TMEM65: variants seen among roughly 807,000 people sequenced by gnomAD.
TMEM65 encodes transmembrane protein 65.
Under a neutral mutation model 25.4 loss-of-function variants are expected in TMEM65, and 22 were observed. The observed-to-expected ratio is 0.86, with a 90% CI of 0.62 to 1.23. The LOEUF (loss-of-function observed/expected upper bound fraction) is 1.23. Ranked by LOEUF, TMEM65 falls within the 50% of genes most tolerant of loss-of-function variation. The pLI is 0.00. For synonymous variants in TMEM65, 132 were observed against 126.2 expected (o/e 1.05, Z -0.31); for missense variants, 262 against 308.2 (o/e 0.85, Z 1.12).
intron 1 of TMEM65, among the ~76,000 whole-genome samples, chr8:124,349,997 A>G (rs1287189066): frequency 2.0e-5 from 3 of 152,168 alleles, no homozygotes; most frequent in African/African-American, 7.2e-5. Context: ...TTTATTCTTC[A>G]AAATACATTT....
intron 1 of TMEM65, among the ~76,000 whole-genome samples, chr8:124,338,138 T>C (rs2131210104): frequency 6.6e-6 from 1 of 152,218 alleles, no homozygotes; most frequent in Non-Finnish European, 1.5e-5. Flanking sequence ...CACAAAACTG[T>C]ATTCTGCCTT....
chr8:124,330,661 G>T, intron 2 of TMEM65, 87 bp downstream of exon 2: 2 of 1,270,646 alleles, frequency 1.6e-6, no homozygotes, highest in South Asian at 1.3e-5. Context: ...TTAATTTACT[G>T]ACTCTTCTGT....
At chr8:124,340,351 G>A (rs1814569938) in intron 1 of TMEM65, among the ~76,000 whole-genome samples, 1 of 152,056 alleles carries the variant, frequency 6.6e-6, no homozygotes, top group Non-Finnish European at 1.5e-5. Flanking sequence ...AAATTAAAGT[G>A]TATAAGAATG....
intron 3 of TMEM65, 122 bp downstream of exon 3, chr8:124,327,232 A>G: frequency 1.5e-6 from 1 of 677,962 alleles, no homozygotes; most frequent in East Asian, 3.0e-5. Flanking sequence ...GAGATATAGT[A>G]AAAAATATCC....
chr8:124,326,159 G>A (rs546076485), intron 3 of TMEM65, among the ~76,000 whole-genome samples: 1 of 152,058 alleles, frequency 6.6e-6, no homozygotes, highest in South Asian at 2.1e-4. Flanking sequence ...GAAGCACTTC[G>A]ATTTTCTCAA....
chr8:124,368,314 T>G (rs1459777032), intron 1 of TMEM65, among the ~76,000 whole-genome samples: 21 of 149,502 alleles, frequency 1.4e-4, no homozygotes, highest in East Asian at 8.0e-4. Context: ...ATCTCTCATT[T>G]TACCTCTCCA....
Position 124,307,314 on chromosome 8 carries a change from C to T in TMEM65, c.*6646G>A, listed in dbSNP as rs915663166. 5 of 152,112 alleles carry T rather than the reference C, an allele frequency of 3.3e-5. No individual in the cohort carries two copies. Among genetic ancestry groups the T allele is most frequent in the African/African-American group, 4.8e-5 (2 of 41,408 alleles). 9.4% of individuals were successfully genotyped at this position (152,112 alleles called of 1,614,324 possible). A position where few individuals can be genotyped will look rare whatever the true frequency, so the allele number is the denominator to read the frequency against. ...ATACCAAGGGACCCATATGAAGTCC[C>T]GCTAGTGACGCTGGAAGTGCTCCCA... On this transcript the variant is annotated 3_prime_UTR_variant, in exon 7 of 7. Coordinates refer to ENST00000297632, the MANE Select transcript of TMEM65 (RefSeq NM_194291.3).
intron 6 of TMEM65, among the ~76,000 whole-genome samples, chr8:124,318,798 A>G (rs1013255813): frequency 4.6e-5 from 7 of 152,138 alleles, no homozygotes; most frequent in East Asian, 1.9e-4. Flanking sequence ...CCACTCTCCT[A>G]TGAAATCTCA....
chr8:124,352,961 T>C (rs1391404856), intron 1 of TMEM65, among the ~76,000 whole-genome samples: 4 of 151,790 alleles, frequency 2.6e-5, no homozygotes, highest in Non-Finnish European at 5.9e-5. Flanking sequence ...ACACCGTCTA[T>C]ACAAAAAATA....
rs145161324 is a variant in TMEM65, at chr8:124,314,219, T to C, written c.622-158A>G. 2.5e-3 allele frequency among the ~76,000 whole-genome samples: 386 copies of C among 152,336 alleles called. 1 individual carries two copies. Among genetic ancestry groups the C allele is most frequent in the African/African-American group, 7.9e-3 (328 of 41,578 alleles). On this transcript the variant is annotated intron_variant, in intron 6 of 6. Coordinates refer to ENST00000297632, the MANE Select transcript of TMEM65 (RefSeq NM_194291.3). ...ATCCCTGTGTATACCTAATTATATG[T>C]AGATATAATCATTATGTAAACATAG... is the stretch of plus-strand genomic sequence containing the variant.
chr8:124,338,653 A>G (rs556960529), intron 1 of TMEM65, among the ~76,000 whole-genome samples: 11 of 152,332 alleles, frequency 7.2e-5, no homozygotes, highest in Admixed American at 2.6e-4. Context: ...AATGTTCACT[A>G]TAAGATTTAA....
rs867317593 is a variant in TMEM65, at chr8:124,363,653, C to A, written c.304+8201G>T. Among the ~76,000 whole-genome samples the A allele has an allele frequency of 3.4e-3, 523 of 151,746 alleles. 3 individuals carry two copies. The highest frequency in any genetic ancestry group is 6.0e-3 in the South Asian group (29 of 4,794). On this transcript the variant is annotated intron_variant, in intron 1 of 6. Coordinates refer to ENST00000297632, the MANE Select transcript of TMEM65 (RefSeq NM_194291.3). ...GAGATCGAGACCATCCCAGCTAAAACGGTGAAACCCCGTCTCTACTAAAAA... is the reference window on the plus strand; with the variant it reads ...GAGATCGAGACCATCCCAGCTAAAAAGGTGAAACCCCGTCTCTACTAAAAA...
chr8:124,337,947 T>A (rs1306976119), intron 1 of TMEM65, among the ~76,000 whole-genome samples: 2 of 152,014 alleles, frequency 1.3e-5, no homozygotes, highest in African/African-American at 2.4e-5. Context: ...GAGGTAAAAA[T>A]TAGAAAATAA....
intron 1 of TMEM65, among the ~76,000 whole-genome samples, chr8:124,361,987 T>G (rs1814870685): frequency 6.6e-6 from 1 of 150,828 alleles, no homozygotes; most frequent in African/African-American, 2.4e-5. Flanking sequence ...GCCTCCTGGG[T>G]TCAAGCACTT....
At chr8:124,316,305 A>G (rs915699079) in intron 6 of TMEM65, among the ~76,000 whole-genome samples, 1 of 152,196 alleles carries the variant, frequency 6.6e-6, no homozygotes, top group African/African-American at 2.4e-5. Context: ...CTGTTTTATA[A>G]GAAAATATTT....
intron 1 of TMEM65, among the ~76,000 whole-genome samples, chr8:124,358,930 A>G (rs1814821949): frequency 6.6e-6 from 1 of 152,116 alleles, no homozygotes; most frequent in African/African-American, 2.4e-5. Context: ...TCTGAGTTTG[A>G]GCAATTTTTT....
rs146382797 is a variant in TMEM65, at chr8:124,345,734, A to ATTATTTATTTATTTAT, written c.305-14958_305-14943dup. ...GGTAATTTATAAAGAAAGGAGGTTT[A>ATTATTTATTTATTTAT]TTATTTATTTATTTATTTATTTATT... On this transcript the variant is annotated intron_variant, in intron 1 of 6. Transcript: ENST00000297632. Among the ~76,000 whole-genome samples, 615 of 150,226 alleles carry ATTATTTATTTATTTAT rather than the reference A, an allele frequency of 4.1e-3. 1 individual carries two copies. The highest frequency in any genetic ancestry group is 9.7e-3 in the African/African-American group (399 of 40,934).
chr8:124,338,452 G>A (rs1814538826), intron 1 of TMEM65, among the ~76,000 whole-genome samples: 1 of 151,928 alleles, frequency 6.6e-6, no homozygotes, highest in Admixed American at 6.6e-5. Context: ...ATTCATCGCA[G>A]ACAAAGTATG....
chr8:124,333,651 G>A (rs1237890855), intron 1 of TMEM65, among the ~76,000 whole-genome samples: 2 of 152,056 alleles, frequency 1.3e-5, no homozygotes, highest in Non-Finnish European at 2.9e-5. Context: ...CTCCTGCATG[G>A]AACAACCACA....
Sources: gnomAD v4.1 joint callset for allele counts (sites outside exome capture counted in the v4.1 genomes callset) on GRCh38, gnomAD v4.1.1 for gene constraint, MANE v1.5 for transcripts, NCBI Gene and HGNC (gene_info 2026-07-23, HGNC 2026-07-21) for gene names.